The following ATRX variants were observed in gnomAD, a reference collection of about 807,000 sequenced individuals.
ATRX encodes chromatin remodeler ATRX.
In ATRX, 12 loss-of-function variants were observed where a neutral mutation model predicts 172.6. The ratio of observed to expected loss-of-function variants is 0.07; its 90% CI spans 0.04 to 0.11. The LOEUF is 0.11. ATRX is among the 10% of genes least tolerant of loss of function. The pLI, the probability that ATRX is intolerant of heterozygous loss-of-function variation, is 1.00. For synonymous variants in ATRX, 674 were observed against 594.7 expected (o/e 1.13, Z -1.94); for missense variants, 1,368 against 1,767.4 (o/e 0.77, Z 4.05).
intron 26 of ATRX, among the ~76,000 whole-genome samples, chrX:77,592,320 G>T (rs1226653607): frequency 5.0e-5 from 5 of 100,200 alleles, no homozygotes; most frequent in Middle Eastern, 5.6e-3. Context: ...CAAGGCTGGA[G>T]AATCACTTGA....
chrX:77,641,681 A>G, intron 15 of ATRX, among the ~76,000 whole-genome samples: 1 of 110,877 alleles, frequency 9.0e-6, no homozygotes, highest in Middle Eastern at 4.6e-3. Context: ...ATTCCTAGTG[A>G]TGAAAATTAT....
chrX:77,762,304 CAAAAAAAAAAAAA>C (rs782237740), intron 1 of ATRX, among the ~76,000 whole-genome samples: 2 of 23,412 alleles, frequency 8.5e-5, no homozygotes, highest in Admixed American at 5.1e-4. Flanking sequence ...GACTCTGTCT[CAAAAAAAAAAAAA>C]AAAAAAAAAA....
intron 1 of ATRX, among the ~76,000 whole-genome samples, chrX:77,759,377 C>T (rs1419795451): frequency 1.8e-5 from 2 of 110,081 alleles, no homozygotes; most frequent in Non-Finnish European, 3.8e-5. Context: ...AAAACAACAA[C>T]TATCCACCAG....
At chrX:77,565,629 G>A (rs782447748) in intron 28 of ATRX, among the ~76,000 whole-genome samples, 32 of 111,882 alleles carry the variant, frequency 2.9e-4, no homozygotes, top group Non-Finnish European at 4.5e-4. Context: ...GCAAAGGCAC[G>A]CAGATTACTT....
At chrX:77,641,476 G>A (rs1557111167) in intron 15 of ATRX, among the ~76,000 whole-genome samples, 1 of 109,024 alleles carries the variant, frequency 9.2e-6, no homozygotes, top group African/African-American at 3.4e-5. Context: ...AGCTACTCAG[G>A]AGGCTGAGGC....
intron 34 of ATRX, among the ~76,000 whole-genome samples, chrX:77,515,418 A>G (rs2063018524): frequency 9.1e-6 from 1 of 110,124 alleles, no homozygotes. Context: ...AAAGTTCAGG[A>G]GGGGTGAAAA....
In ATRX at chrX:77,710,583, C is replaced by T. The variant is rs782394875; in HGVS notation, c.133+6548G>A. 4.5e-5 allele frequency among the ~76,000 whole-genome samples: 5 copies of T among 110,984 alleles called. No individual in the cohort carries two copies. In the East Asian group the frequency reaches 8.5e-4, roughly 19 times the overall value. ...TGGGGTTAAGGATACTCAATCTGTA[C>T]ATCCATACCATGGAATATTACCCTG... On this transcript the variant is annotated intron_variant, in intron 2 of 34. Coordinates refer to ENST00000373344, the MANE Select transcript of ATRX (RefSeq NM_000489.6).
chrX:77,655,526 T>C (rs2069499709), intron 13 of ATRX, among the ~76,000 whole-genome samples: 1 of 110,617 alleles, frequency 9.0e-6, no homozygotes, highest in South Asian at 3.8e-4. Flanking sequence ...ATTTTAGTGT[T>C]TATTAGAGTA....
intron 21 of ATRX, 126 bp downstream of exon 21, chrX:77,618,680 G>T: frequency 1.4e-6 from 1 of 693,578 alleles, no homozygotes; most frequent in Non-Finnish European, 2.2e-6. Context: ...AGATATAACT[G>T]TAAAACTATC....
chrX:77,654,331 C>A lies in ATRX; in HGVS notation c.4215-131G>T, dbSNP rs2069432620. The A allele has an allele frequency of 8.0e-6, 4 of 497,449 alleles. No individual in the cohort carries two copies. In the Admixed American group the frequency reaches 1.3e-4, roughly 16 times the overall value. 41.0% of individuals were successfully genotyped at this position (497,449 alleles called of 1,213,427 possible). ...CAAACAGAAAAAAAATCAATAGGTTCAAAATGGATATTCCAGCAGCAGCCT... is the reference window on the plus strand; with the variant it reads ...CAAACAGAAAAAAAATCAATAGGTTAAAAATGGATATTCCAGCAGCAGCCT... On this transcript the variant is annotated intron_variant, in intron 13 of 34. Coordinates refer to ENST00000373344, the MANE Select transcript of ATRX (RefSeq NM_000489.6).
intron 30 of ATRX, among the ~76,000 whole-genome samples, chrX:77,550,878 GAATAA>G (rs1333600525): frequency 1.8e-5 from 2 of 111,403 alleles, no homozygotes; most frequent in African/African-American, 6.5e-5. Flanking sequence ...GCTTCAAAGA[GAATAA>G]AATACCTAGG....
At chrX:77,619,806 G>C (rs1371618832) in intron 20 of ATRX, among the ~76,000 whole-genome samples, 1 of 111,915 alleles carries the variant, frequency 8.9e-6, no homozygotes, top group African/African-American at 3.2e-5. Context: ...AAAAAAGTGA[G>C]AGATTATAAC....
chrX:77,658,738 G>T (rs1202039360), intron 12 of ATRX, among the ~76,000 whole-genome samples: 1 of 111,296 alleles, frequency 9.0e-6, no homozygotes, highest in African/African-American at 3.3e-5. Flanking sequence ...GATCAGATTT[G>T]GCCCACAGGT....
Position 77,508,433 on chromosome X carries a change from C to T in ATRX, c.7397G>A (p.Gly2466Asp). The T allele has an allele frequency of 8.3e-7, 1 of 1,210,812 alleles. No individual in the cohort carries two copies. The highest frequency in any genetic ancestry group is 1.1e-6 in the Non-Finnish European group (1 of 894,650). Residue 2466 changes from glycine (G) to aspartate (D), a missense_variant, in exon 35 of 35, where the codon GGT becomes GAT. By Grantham distance (94) the Gly-to-Asp change is moderately conservative. This residue lies in a region of ATRX where 100 missense variants were observed against 153.9 expected (regional missense o/e 0.65). Coordinates refer to ENST00000373344, the MANE Select transcript of ATRX (RefSeq NM_000489.6). Reference sequence around the variant, plus strand: ...ACGCTGTAATGGTGGTGGCTGCATACCACCAGCCACTGGCTGATACATTCC... The same window carrying T: ...ACGCTGTAATGGTGGTGGCTGCATATCACCAGCCACTGGCTGATACATTCC... ...MRGMYQPVAG[G>D]MQPPPLQRAP...
intron 7 of ATRX, among the ~76,000 whole-genome samples, chrX:77,688,012 G>A (rs1480345173): frequency 9.0e-6 from 1 of 111,246 alleles, no homozygotes; most frequent in African/African-American, 3.3e-5. Flanking sequence ...ATCTCGACTC[G>A]CTGCAACCTC....
In ATRX at chrX:77,712,730, G is replaced by A. The variant is rs782198694; in HGVS notation, c.133+4401C>T. Among the ~76,000 whole-genome samples the A allele has an allele frequency of 6.3e-5, 7 of 111,774 alleles. No homozygotes were observed. The South Asian group carries it at 2.6e-3, about 42-fold the overall frequency. On this transcript the variant is annotated intron_variant, in intron 2 of 34. Coordinates refer to ENST00000373344, the MANE Select transcript of ATRX (RefSeq NM_000489.6). The stretch of plus-strand genomic sequence containing the variant: ...TGTAGTTCCAGCTACTTAAGAGGCT[G>A]AGACAGGAGAATCGCTTGAACCCAG...
At chrX:77,769,277 G>GT (rs2148938134) in intron 1 of ATRX, among the ~76,000 whole-genome samples, 1 of 105,875 alleles carries the variant, frequency 9.4e-6, no homozygotes, top group African/African-American at 3.6e-5. Context: ...ACTGTTTTTT[G>GT]TTTGTTTTTT....
chrX:77,626,571 T>C (rs1361969751), intron 19 of ATRX, among the ~76,000 whole-genome samples: 1 of 111,947 alleles, frequency 8.9e-6, no homozygotes, highest in Admixed American at 9.5e-5. Flanking sequence ...ATTTTTGCTG[T>C]AATAAACCAT....
At chrX:77,785,910 T>G in intron 1 of ATRX, 72 bp downstream of exon 1, 2 of 1,138,816 alleles carry the variant, frequency 1.8e-6, no homozygotes, top group East Asian at 6.6e-5. Flanking sequence ...AGCGAACGCC[T>G]TCCCAAACAC....
Sources: allele counts gnomAD v4.1 joint callset (sites outside exome capture counted in the v4.1 genomes callset), GRCh38; gene constraint gnomAD v4.1.1; regional missense constraint gnomAD v4.1.1; transcripts MANE v1.5; gene names NCBI Gene and HGNC (gene_info 2026-07-23, HGNC 2026-07-21).